RBFOX1: variants seen among roughly 807,000 people sequenced by gnomAD.
RBFOX1 encodes the protein RNA binding fox-1 homolog 1.
Under a neutral mutation model 57.7 loss-of-function variants are expected in RBFOX1, and 8 were observed. The ratio of observed to expected loss-of-function variants is 0.14; its 90% CI spans 0.08 to 0.25. The LOEUF (loss-of-function observed/expected upper bound fraction) is 0.25, where lower values mean the gene tolerates loss of function less well. RBFOX1 is among the 10% of genes least tolerant of loss of function. The pLI is 1.00. For missense variants in RBFOX1, 611 were observed against 548.5 expected, an observed-to-expected ratio of 1.11 and a Z score of -1.14; for synonymous variants, 326 against 222.4, an observed-to-expected ratio of 1.47 and a Z score of -4.15.
chr16:7,459,923 A>G (rs2059228207), intron 4 of RBFOX1, among the ~76,000 whole-genome samples: 1 of 152,208 alleles, frequency 6.6e-6, no homozygotes, highest in Admixed American at 6.5e-5. Flanking sequence ...AAAGACAGAA[A>G]TTATGTTTTA....
chr16:6,312,272 T>A (rs1368940329), intron 1 of RBFOX1, among the ~76,000 whole-genome samples: 1 of 152,160 alleles, frequency 6.6e-6, no homozygotes, highest in African/African-American at 2.4e-5. Flanking sequence ...AACCAGCATT[T>A]CTGAACCGCT....
At chr16:7,366,071 C>G (rs1463760222) in intron 4 of RBFOX1, among the ~76,000 whole-genome samples, 1 of 152,290 alleles carries the variant, frequency 6.6e-6, no homozygotes. Flanking sequence ...CAGGGCTCAT[C>G]ACTGAGCCAA....
In RBFOX1 at chr16:6,829,549, TAAAC is replaced by T. The variant is rs374229528; in HGVS notation, c.-16+174903_-16+174906del. 1.6e-3 allele frequency among the ~76,000 whole-genome samples: 249 copies of T among 152,146 alleles called. 2 individuals are homozygous for T. The highest frequency in any genetic ancestry group is 5.5e-3 in the African/African-American group (230 of 41,490). On this transcript the variant is annotated intron_variant, in intron 3 of 15. Transcript: ENST00000550418. ...GTATGACAAAATAAGTACCATTAGT[TAAAC>T]AAAAACAGGTATTTGCATAATCATG...
chr16:7,331,099 C>A (rs908237524), intron 4 of RBFOX1, among the ~76,000 whole-genome samples: 12 of 152,146 alleles, frequency 7.9e-5, no homozygotes, highest in Admixed American at 5.9e-4. Flanking sequence ...TAATTGAATT[C>A]TCTGCCAAAC....
chr16:6,257,161 T>C (rs1409239832), intron 1 of RBFOX1, among the ~76,000 whole-genome samples: 1 of 152,186 alleles, frequency 6.6e-6, no homozygotes, highest in Non-Finnish European at 1.5e-5. Context: ...TGCAGGTTTG[T>C]TCCACAGGTA....
chr16:5,717,253 C>G (rs2051737853), intron 3 of RBFOX1, among the ~76,000 whole-genome samples: 2 of 152,008 alleles, frequency 1.3e-5, no homozygotes, highest in African/African-American at 4.8e-5. Flanking sequence ...GTGATACAGC[C>G]TCGTTGTTTC....
At chr16:6,817,583 G>A (rs975802698) in intron 3 of RBFOX1, among the ~76,000 whole-genome samples, 1 of 150,786 alleles carries the variant, frequency 6.6e-6, no homozygotes, top group Non-Finnish European at 1.5e-5. Flanking sequence ...GCGCATGCGT[G>A]TAATTGCAGC....
chr16:6,871,157 A>G (rs1252467694), intron 3 of RBFOX1, among the ~76,000 whole-genome samples: 2 of 152,154 alleles, frequency 1.3e-5, no homozygotes, highest in Non-Finnish European at 2.9e-5. Flanking sequence ...GAATAAACCA[A>G]CTGAAGTTTA....
intron 2 of RBFOX1, among the ~76,000 whole-genome samples, chr16:6,375,590 C>G (rs1049301417): frequency 6.6e-6 from 1 of 151,980 alleles, no homozygotes; most frequent in Non-Finnish European, 1.5e-5. Context: ...GATTCTCTGC[C>G]CCTTCTGTAA....
chr16:7,265,823 A>G (rs1455637710), intron 4 of RBFOX1, among the ~76,000 whole-genome samples: 1 of 152,050 alleles, frequency 6.6e-6, no homozygotes, highest in African/African-American at 2.4e-5. Context: ...ATTTGTCCCC[A>G]CTCAAATCTC....
chr16:6,039,053 C>T, intron 1 of RBFOX1: 1 of 142,654 alleles, frequency 7.0e-6, no homozygotes. Context: ...ATTAAAAATG[C>T]TGAATCCCGC....
At chr16:6,268,661 G>A (rs1056656713) in intron 1 of RBFOX1, among the ~76,000 whole-genome samples, 9 of 152,154 alleles carry the variant, frequency 5.9e-5, no homozygotes, top group African/African-American at 2.2e-4. Context: ...AGGGTTTATG[G>A]CCTTGGGAAT....
intron 1 of RBFOX1, among the ~76,000 whole-genome samples, chr16:6,257,057 T>G (rs2097672248): frequency 6.6e-6 from 1 of 152,058 alleles, no homozygotes; most frequent in African/African-American, 2.4e-5. Flanking sequence ...AGCACAGGGG[T>G]CATTTTTTGA....
At chr16:7,413,394 G>T (rs968441478) in intron 4 of RBFOX1, among the ~76,000 whole-genome samples, 1 of 151,948 alleles carries the variant, frequency 6.6e-6, no homozygotes, top group Admixed American at 6.6e-5. Context: ...AAACCTAGAT[G>T]TCCAGCCTTG....
At chr16:6,666,956 A>T (rs1225994754) in intron 3 of RBFOX1, among the ~76,000 whole-genome samples, 1 of 152,116 alleles carries the variant, frequency 6.6e-6, no homozygotes, top group Non-Finnish European at 1.5e-5. Context: ...GCTGACAGTT[A>T]TTTTTGTAGG....
chr16:5,627,388 A>C (rs1289408991), intron 3 of RBFOX1, among the ~76,000 whole-genome samples: 2 of 151,762 alleles, frequency 1.3e-5, no homozygotes, highest in South Asian at 4.1e-4. Context: ...CACATTCAGC[A>C]ATTTTGCCTT....
intron 3 of RBFOX1, among the ~76,000 whole-genome samples, chr16:7,005,491 T>A (rs7186324): frequency 6.6e-6 from 1 of 152,094 alleles, no homozygotes; most frequent in African/African-American, 2.4e-5. Context: ...AGGAACCCAG[T>A]AATGGCAGGT....
intron 1 of RBFOX1, among the ~76,000 whole-genome samples, chr16:5,244,644 G>A (rs1043904240): frequency 6.6e-6 from 1 of 152,230 alleles, no homozygotes; most frequent in African/African-American, 2.4e-5. Context: ...ATGGCAACCC[G>A]CTGGAACGCG....
chr16:6,982,607 C>G (rs557595752), intron 3 of RBFOX1, among the ~76,000 whole-genome samples: 2 of 152,262 alleles, frequency 1.3e-5, no homozygotes, highest in Non-Finnish European at 2.9e-5. Flanking sequence ...GTTGTTTGTA[C>G]CAGGAGCTGA....
Sources: gnomAD v4.1 joint callset for allele counts (sites outside exome capture counted in the v4.1 genomes callset) on GRCh38, gnomAD v4.1.1 for gene constraint, MANE v1.5 for transcripts, NCBI Gene and HGNC (gene_info 2026-07-23, HGNC 2026-07-21) for gene names.